Variants in RANBP9 observed in about 807,000 individuals in gnomAD.
The protein encoded by RANBP9 is RAN binding protein 9, also known as ran-binding protein 9.
A neutral mutation model predicts 84.3 loss-of-function variants in RANBP9; 15 were observed. The ratio of observed to expected loss-of-function variants is 0.18; its 90% CI spans 0.12 to 0.27. RANBP9 has a LOEUF of 0.27. Ranked by LOEUF, RANBP9 falls within the 10% of genes least tolerant of loss-of-function variation. The probability of loss-of-function intolerance (pLI) is 1.00; values close to 1 mark genes in which losing one functional copy is unlikely to be tolerated. For missense variants in RANBP9, 809 were observed against 912.8 expected (o/e 0.89, Z 1.46); for synonymous variants, 392 against 349.6 (o/e 1.12, Z -1.35).
intron 1 of RANBP9, among the ~76,000 whole-genome samples, chr6:13,698,057 A>C (rs1757883774): frequency 2.0e-5 from 3 of 152,188 alleles, no homozygotes; most frequent in Admixed American, 1.3e-4. Flanking sequence ...CACACACTTG[A>C]CCAAATTTAT....
intron 13 of RANBP9, 108 bp from the exon 14 acceptor site, chr6:13,622,600 C>A (rs908993121): frequency 3.3e-5 from 38 of 1,166,682 alleles, no homozygotes; most frequent in Non-Finnish European, 4.4e-5. Context: ...ACTCCCATAC[C>A]ACTCTGAAAT....
In RANBP9 at chr6:13,710,850, T is replaced by G. The variant is rs1343720925; in HGVS notation, c.571+85A>C. 8 of 1,403,374 alleles carry G rather than the reference T, an allele frequency of 5.7e-6. No individual in the cohort carries two copies. In the East Asian group the frequency reaches 1.1e-4, roughly 19 times the overall value. The allele number at this position is 1,403,374 out of a possible 1,614,324, so 86.9% of individuals were successfully genotyped here. A position where few individuals can be genotyped will look rare whatever the true frequency, so the allele number is the denominator to read the frequency against. On this transcript the variant is annotated intron_variant, in intron 1 of 13. Transcript: ENST00000011619. ...AGGGCAGAGCCCGCGAGGGCGGGGG[T>G]CGGGGGCGGGTCGAGAGCGGCGCAG...
chr6:13,686,778 G>GCTACTAAGTC (rs1460577462), intron 2 of RANBP9, among the ~76,000 whole-genome samples: 1 of 152,160 alleles, frequency 6.6e-6, no homozygotes, highest in Non-Finnish European at 1.5e-5. Flanking sequence ...CAGCAACACA[G>GCTACTAAGTC]CTACTAAGTC....
intron 10 of RANBP9, among the ~76,000 whole-genome samples, chr6:13,634,945 T>A (rs1346005898): frequency 6.6e-6 from 1 of 152,112 alleles, no homozygotes; most frequent in African/African-American, 2.4e-5. Context: ...TGATTTCTAG[T>A]ATGTAAGGGG....
chr6:13,705,168 C>G (rs562886713), intron 1 of RANBP9, among the ~76,000 whole-genome samples: 1 of 151,346 alleles, frequency 6.6e-6, no homozygotes, highest in African/African-American at 2.4e-5. Context: ...CTTTGAGAAG[C>G]CAAGGCAGGC....
intron 11 of RANBP9, chr6:13,632,846 A>AG: frequency 5.7e-6 from 1 of 174,886 alleles, no homozygotes; most frequent in South Asian, 1.7e-4. Flanking sequence ...TTTAAAAAAA[A>AG]AAAAAAAAAA....
At chr6:13,704,594 G>C (rs1758053081) in intron 1 of RANBP9, among the ~76,000 whole-genome samples, 1 of 151,438 alleles carries the variant, frequency 6.6e-6, no homozygotes, top group South Asian at 2.1e-4. Context: ...TCGCACCACT[G>C]CATTCTAGCC....
At chr6:13,624,727 C>G (rs546338858) in intron 13 of RANBP9, among the ~76,000 whole-genome samples, 2 of 152,170 alleles carry the variant, frequency 1.3e-5, no homozygotes, top group Admixed American at 6.5e-5. Flanking sequence ...ATTAGCGTTT[C>G]GCACTTGATG....
chr6:13,668,686 A>G (rs556553160), intron 2 of RANBP9, among the ~76,000 whole-genome samples: 8 of 152,308 alleles, frequency 5.3e-5, no homozygotes, highest in Non-Finnish European at 7.4e-5. Flanking sequence ...TTTAAAAAAA[A>G]TCATGAAAAA....
Position 13,686,356 on chromosome 6 carries a change from G to C in RANBP9, c.683+10429C>G, listed in dbSNP as rs139440042. ...GCTGGAGTGCAGCGGCGCGATCTTG[G>C]CTCACTACAGCCTCTGCCTCCCAGG... On this transcript the variant is annotated intron_variant, in intron 2 of 13. Coordinates refer to ENST00000011619, the MANE Select transcript of RANBP9 (RefSeq NM_005493.3). Among the ~76,000 whole-genome samples the C allele has an allele frequency of 2.7e-3, 406 of 152,064 alleles. 2 individuals carry two copies. Among genetic ancestry groups the C allele is most frequent in the African/African-American group, 9.5e-3 (395 of 41,462 alleles).
intron 2 of RANBP9, among the ~76,000 whole-genome samples, chr6:13,688,791 C>T (rs1449516562): frequency 1.3e-5 from 2 of 151,740 alleles, no homozygotes; most frequent in East Asian, 3.9e-4. Flanking sequence ...CGCCATCACA[C>T]ACTTCATCCT....
In RANBP9 at chr6:13,637,819, A is replaced by G. The variant is rs770195316; in HGVS notation, c.1662T>C (p.Asn554=). The change falls in exon 10 of 14, where the codon AAT becomes AAC. Residue 554 remains asparagine (N), a synonymous_variant. Coordinates refer to ENST00000011619, the MANE Select transcript of RANBP9 (RefSeq NM_005493.3). ...GTGAAATTACTTACCTGGTGAAGTT[A>G]TTAACTTGCTGTGATCTTGACATAT... ...SINMSRSQQV[N]NFTSNDVDME... 1.7e-5 allele frequency: 27 copies of G among 1,593,364 alleles called. 1 individual carries two copies. In the South Asian group the frequency reaches 2.9e-4, roughly 17 times the overall value.
At chr6:13,667,616 C>G (rs1419583268) in intron 2 of RANBP9, among the ~76,000 whole-genome samples, 2 of 152,100 alleles carry the variant, frequency 1.3e-5, no homozygotes, top group Non-Finnish European at 2.9e-5. Context: ...TTTACTGTAT[C>G]TTTCCTATGT....
At chr6:13,624,388 G>C (rs544267366) in intron 13 of RANBP9, among the ~76,000 whole-genome samples, 1 of 152,136 alleles carries the variant, frequency 6.6e-6, no homozygotes, top group Admixed American at 6.5e-5. Context: ...TCCTAAACTA[G>C]TTTGAAATAT....
At chr6:13,653,370 G>C (rs1025371876) in intron 4 of RANBP9, among the ~76,000 whole-genome samples, 4 of 152,108 alleles carry the variant, frequency 2.6e-5, no homozygotes, top group Non-Finnish European at 4.4e-5. Context: ...TCAACTCAAC[G>C]TGACAATTTA....
intron 1 of RANBP9, among the ~76,000 whole-genome samples, chr6:13,704,053 T>C (rs545682577): frequency 4.6e-5 from 7 of 152,232 alleles, no homozygotes; most frequent in Non-Finnish European, 8.8e-5. Flanking sequence ...CTATCATTCC[T>C]CATATCCTCT....
chr6:13,658,887 T>C lies in RANBP9; in HGVS notation c.684-55A>G, dbSNP rs1033434976. The C allele has an allele frequency of 2.0e-6, 3 of 1,468,362 alleles. No individual in the cohort carries two copies. The African/African-American group carries it at 4.2e-5, about 21-fold the overall frequency. 91.0% of individuals were successfully genotyped at this position (1,468,362 alleles called of 1,614,324 possible). A position where few individuals can be genotyped will look rare whatever the true frequency, so the allele number is the denominator to read the frequency against. On this transcript the variant is annotated intron_variant, in intron 2 of 13. Coordinates refer to ENST00000011619, the MANE Select transcript of RANBP9 (RefSeq NM_005493.3). ...AAGGACATTATTACAGTCATATATG[T>C]ATAAATTACCAAACAGTCTCAAACA... is the stretch of plus-strand genomic sequence containing the variant.
At chr6:13,692,918 C>T (rs938406503) in intron 2 of RANBP9, among the ~76,000 whole-genome samples, 1 of 152,150 alleles carries the variant, frequency 6.6e-6, no homozygotes, top group Admixed American at 6.5e-5. Context: ...TCTTCTAATC[C>T]ATTCATTTAT....
chr6:13,624,056 G>A (rs1325283984), intron 13 of RANBP9, among the ~76,000 whole-genome samples: 2 of 152,092 alleles, frequency 1.3e-5, no homozygotes, highest in African/African-American at 4.8e-5. Context: ...TTATTACTAA[G>A]TTACTTTTAC....
Sources: allele counts gnomAD v4.1 joint callset (sites outside exome capture counted in the v4.1 genomes callset), GRCh38; gene constraint gnomAD v4.1.1; transcripts MANE v1.5; gene names NCBI Gene and HGNC (gene_info 2026-07-23, HGNC 2026-07-21).